Variants in PIGF observed in about 807,000 individuals in gnomAD.
The protein encoded by PIGF is GPI ethanolamine phosphate transferase, stabilizing subunit.
In PIGF, 23 loss-of-function variants were observed where a neutral mutation model predicts 26.0. The ratio of observed to expected loss-of-function variants is 0.88; its 90% CI spans 0.64 to 1.25. The LOEUF is 1.25. PIGF is among the 50% of genes most tolerant of loss of function. PIGF has a pLI of 0.00. For synonymous variants in PIGF, 93 were observed against 92.6 expected, an observed-to-expected ratio of 1.00 and a Z score of -0.03; for missense variants, 278 against 249.9, an observed-to-expected ratio of 1.11 and a Z score of -0.76.
At chr2:46,600,635 C>A (rs966867770) in intron 4 of PIGF, among the ~76,000 whole-genome samples, 7 of 152,080 alleles carry the variant, frequency 4.6e-5, no homozygotes, top group Non-Finnish European at 1.0e-4. Flanking sequence ...CCACTACCAG[C>A]CTGAGGATAA....
chr2:46,613,602 T>C (rs1670497725), intron 3 of PIGF, 92 bp downstream of exon 3: 1 of 862,430 alleles, frequency 1.2e-6, no homozygotes, highest in Admixed American at 3.4e-5. Context: ...ATGATGCACA[T>C]CATGGTTTTT....
chr2:46,600,342 T>C (rs1572777110), intron 4 of PIGF, among the ~76,000 whole-genome samples: 1 of 152,220 alleles, frequency 6.6e-6, no homozygotes, highest in African/African-American at 2.4e-5. Context: ...GATCTAGGAA[T>C]GTTACTCAAG....
At position 46,616,998 on chromosome 2, in the gene PIGF, G is replaced by C. The variant is rs1483962273; in HGVS notation, c.-50C>G. ...ACTCTCCCTCCCGCGGAAGGGAAGC[G>C]GGGAACTACTGCCTCCTACCATCAG... On this transcript the variant is annotated 5_prime_UTR_variant, in exon 1 of 6. Transcript: ENST00000281382. The C allele has an allele frequency of 1.8e-6, 1 of 553,424 alleles. No individual in the cohort carries two copies. Among genetic ancestry groups the C allele is most frequent in the South Asian group, 2.1e-5 (1 of 48,224 alleles). The allele number at this position is 553,424 out of a possible 1,614,324, so 34.3% of individuals were successfully genotyped here.
At chr2:46,582,716 A>C (rs1296082324) in intron 5 of PIGF, 1 of 152,652 alleles carries the variant, frequency 6.6e-6, no homozygotes, top group Non-Finnish European at 1.5e-5. Flanking sequence ...ATGGAACACT[A>C]AACTTTTATA....
rs199895130 is a variant in PIGF at position 46,593,604 on chromosome 2, C to T, written c.438-1021G>A. Among the ~76,000 whole-genome samples, 5 of 152,308 alleles carry T rather than the reference C, an allele frequency of 3.3e-5. No individual in the cohort carries two copies. The East Asian group carries it at 9.6e-4, about 29-fold the overall frequency. On this transcript the variant is annotated intron_variant, in intron 4 of 5. Transcript: ENST00000281382. ...GTAAAGGTGGAAAGACTTAATTCTG[C>T]CATTCTCTTAGTAGGTGTTAGTTTC...
chr2:46,594,582 C>A (rs1195771355), intron 4 of PIGF, among the ~76,000 whole-genome samples: 1 of 150,436 alleles, frequency 6.6e-6, no homozygotes, highest in Non-Finnish European at 1.5e-5. Flanking sequence ...GTTGCCCAGG[C>A]TGGAGTGTAA....
chr2:46,600,976 C>T (rs1445696477), intron 4 of PIGF, among the ~76,000 whole-genome samples: 1 of 151,746 alleles, frequency 6.6e-6, no homozygotes, highest in Non-Finnish European at 1.5e-5. Flanking sequence ...TCATTGCTTC[C>T]ATGATAGCAT....
intron 4 of PIGF, among the ~76,000 whole-genome samples, chr2:46,598,957 C>T (rs773079141): frequency 7.9e-5 from 12 of 152,188 alleles, no homozygotes; most frequent in South Asian, 2.1e-4. Flanking sequence ...AGGAACCTGA[C>T]TTTCCTTTAG....
intron 5 of PIGF, chr2:46,591,807 C>T: frequency 1.6e-6 from 2 of 1,279,864 alleles, no homozygotes; most frequent in South Asian, 1.3e-5. Context: ...ACTTACCTCA[C>T]AGTGCTTTAC....
intron 1 of PIGF, chr2:46,616,459 A>C (rs1670632259): frequency 6.6e-6 from 1 of 152,360 alleles, no homozygotes; most frequent in African/African-American, 2.4e-5. Context: ...CCCAAACTCA[A>C]ATGTTTGCTG....
At position 46,613,763 on chromosome 2, in the gene PIGF, C is replaced by T. The variant is rs748901610; in HGVS notation, c.251G>A (p.Cys84Tyr). Residue 84 changes from cysteine (C) to tyrosine (Y), a missense_variant, in exon 3 of 6, where the codon TGT (cysteine) becomes TAT (tyrosine). Coordinates refer to ENST00000281382, the MANE Select transcript of PIGF (RefSeq NM_002643.4). ...GAAACAAGACATAAGAAAGTAGATA[C>T]AGCATTTCAAAAATCCAGTTACCTA... is the stretch of plus-strand genomic sequence containing the variant. ...SHKVTGFLKC[C>Y]IYFLMSCFSF... is the part of the protein sequence containing the mutation. 5 of 1,552,528 alleles carry T rather than the reference C, an allele frequency of 3.2e-6. No individual in the cohort carries two copies. The Admixed American group carries it at 5.2e-5, about 16-fold the overall frequency.
At chr2:46,595,255 A>G (rs1307699716) in intron 4 of PIGF, among the ~76,000 whole-genome samples, 1 of 152,116 alleles carries the variant, frequency 6.6e-6, no homozygotes, top group Non-Finnish European at 1.5e-5. Flanking sequence ...ACCATTACCA[A>G]TCACTCTCCA....
chr2:46,610,394 GGCTAAAA>G (rs1670372800), intron 4 of PIGF, among the ~76,000 whole-genome samples: 1 of 152,036 alleles, frequency 6.6e-6, no homozygotes, highest in Non-Finnish European at 1.5e-5. Flanking sequence ...CAAACTAAAA[GGCTAAAA>G]GCAATTAATA....
At chr2:46,612,390 A>G in intron 3 of PIGF, 46 bp from the exon 4 acceptor site, 1 of 573,984 alleles carries the variant, frequency 1.7e-6, no homozygotes, top group South Asian at 3.0e-5. Context: ...TTAAAGGTAA[A>G]CATACACATA....
intron 5 of PIGF, among the ~76,000 whole-genome samples, chr2:46,592,175 G>C (rs1260973851): frequency 6.6e-6 from 1 of 152,130 alleles, no homozygotes; most frequent in Non-Finnish European, 1.5e-5. Context: ...AAGAGAGTGA[G>C]AACCTGTCTT....
chr2:46,615,369 T>C, intron 1 of PIGF, 184 bp from the exon 2 acceptor site: 1 of 443,432 alleles, frequency 2.3e-6, no homozygotes, highest in Admixed American at 4.0e-5. Flanking sequence ...TACCTTTGAT[T>C]TTCTTAATAT....
chr2:46,597,402 G>C (rs184282387), intron 4 of PIGF, among the ~76,000 whole-genome samples: 7 of 151,468 alleles, frequency 4.6e-5, no homozygotes, highest in Admixed American at 4.6e-4. Flanking sequence ...CTCAGAATTT[G>C]TGGGGGGTTT....
intron 5 of PIGF, among the ~76,000 whole-genome samples, chr2:46,591,090 G>A (rs1488764847): frequency 6.6e-6 from 1 of 152,098 alleles, no homozygotes; most frequent in Non-Finnish European, 1.5e-5. Context: ...ATGCAAAGAT[G>A]TATAAGTATG....
intron 4 of PIGF, among the ~76,000 whole-genome samples, chr2:46,601,219 A>C (rs1670044711): frequency 6.6e-6 from 1 of 152,042 alleles, no homozygotes; most frequent in Non-Finnish European, 1.5e-5. Context: ...GAATATATGC[A>C]CAGTCAATAG....
Sources: gnomAD v4.1 joint callset for allele counts (sites outside exome capture counted in the v4.1 genomes callset) on GRCh38, gnomAD v4.1.1 for gene constraint, MANE v1.5 for transcripts, NCBI Gene and HGNC (gene_info 2026-07-23, HGNC 2026-07-21) for gene names.